Variants in ITPR2 observed in about 807,000 individuals in gnomAD.
ITPR2 encodes inositol 1,4,5-trisphosphate-gated calcium channel ITPR2.
ITPR2 carries 207 observed loss-of-function variants against 317.1 expected under a neutral mutation model. The observed-to-expected ratio is 0.65, with a 90% CI of 0.58 to 0.73. ITPR2 has a LOEUF of 0.73. Ranked by LOEUF, ITPR2 falls within the 30% of genes least tolerant of loss-of-function variation. ITPR2 has a pLI of 0.00. For missense variants in ITPR2, 2,613 were observed against 3,284.0 expected, an observed-to-expected ratio of 0.80 and a Z score of 4.99; for synonymous variants, 1,156 against 1,149.1, an observed-to-expected ratio of 1.01 and a Z score of -0.12.
At chr12:26,412,269 G>A (rs1940575140) in intron 51 of ITPR2, among the ~76,000 whole-genome samples, 1 of 152,172 alleles carries the variant, frequency 6.6e-6, no homozygotes, top group African/African-American at 2.4e-5. Flanking sequence ...AAATGGCAAA[G>A]GAAAGCTGGA....
intron 34 of ITPR2, among the ~76,000 whole-genome samples, chr12:26,572,454 T>G (rs558258553): frequency 3.3e-5 from 5 of 152,224 alleles, no homozygotes; most frequent in Admixed American, 3.3e-4. Context: ...AAGGCCAATT[T>G]GCTTCTTGTT....
intron 37 of ITPR2, among the ~76,000 whole-genome samples, chr12:26,541,831 G>A (rs937715691): frequency 1.3e-5 from 2 of 151,648 alleles, no homozygotes; most frequent in Non-Finnish European, 2.9e-5. Context: ...ATTTTTTCCT[G>A]CTGAGGATAA....
chr12:26,832,617 G>C, intron 1 of ITPR2, 73 bp downstream of exon 1: 1 of 1,168,648 alleles, frequency 8.6e-7, no homozygotes, highest in Non-Finnish European at 1.2e-6. Flanking sequence ...AGGACCGGGC[G>C]GCGGAGGAGG....
chr12:26,638,798 T>A (rs1946916499), intron 21 of ITPR2, among the ~76,000 whole-genome samples: 1 of 151,932 alleles, frequency 6.6e-6, no homozygotes, highest in South Asian at 2.1e-4. Context: ...ACTACACAAA[T>A]AGGAAGAAAA....
At chr12:26,504,048 AC>A (rs1943131682) in intron 37 of ITPR2, among the ~76,000 whole-genome samples, 2 of 152,190 alleles carry the variant, frequency 1.3e-5, no homozygotes, top group African/African-American at 4.8e-5. Flanking sequence ...AATAACACTT[AC>A]TTGTGGATAG....
chr12:26,549,503 G>A (rs985228036), intron 37 of ITPR2, among the ~76,000 whole-genome samples: 5 of 151,934 alleles, frequency 3.3e-5, no homozygotes, highest in Non-Finnish European at 5.9e-5. Context: ...AGTATTTACC[G>A]AAACAGACCA....
intron 43 of ITPR2, among the ~76,000 whole-genome samples, chr12:26,479,273 T>C (rs533522171): frequency 8.6e-5 from 13 of 151,848 alleles, no homozygotes; most frequent in Admixed American, 7.9e-4. Context: ...ATTTAAATAA[T>C]ATATATTTTT....
At chr12:26,755,860 T>C (rs1949512063) in intron 2 of ITPR2, among the ~76,000 whole-genome samples, 1 of 152,124 alleles carries the variant, frequency 6.6e-6, no homozygotes, top group Admixed American at 6.5e-5. Context: ...TTCTGACCTG[T>C]AGTAAGTAAA....
intron 37 of ITPR2, among the ~76,000 whole-genome samples, chr12:26,511,694 G>T (rs561985614): frequency 1.3e-5 from 2 of 151,876 alleles, no homozygotes; most frequent in African/African-American, 4.8e-5. Flanking sequence ...ATTCTATTCT[G>T]ACCTCTGATG....
At chr12:26,667,911 T>C (rs891135144) in intron 13 of ITPR2, among the ~76,000 whole-genome samples, 1 of 43,348 alleles carries the variant, frequency 2.3e-5, no homozygotes, top group East Asian at 7.9e-4. Context: ...ACAGTCTTGA[T>C]TGCAAATCAC....
At chr12:26,680,793 T>C (rs1592031412) in intron 13 of ITPR2, among the ~76,000 whole-genome samples, 2 of 152,294 alleles carry the variant, frequency 1.3e-5, no homozygotes, top group East Asian at 1.9e-4. Context: ...TGGTTTTCCA[T>C]TTGGGGTTAT....
At chr12:26,607,927 A>G (rs998698974) in intron 26 of ITPR2, among the ~76,000 whole-genome samples, 2 of 151,746 alleles carry the variant, frequency 1.3e-5, no homozygotes, top group African/African-American at 4.8e-5. Flanking sequence ...AAAAAAATAC[A>G]AAAAAAATTA....
At chr12:26,366,550 AT>A (rs904440880) in intron 55 of ITPR2, among the ~76,000 whole-genome samples, 1 of 152,140 alleles carries the variant, frequency 6.6e-6, no homozygotes, top group African/African-American at 2.4e-5. Context: ...TTGTTTTATG[AT>A]TTCTTTTAGG....
intron 39 of ITPR2, among the ~76,000 whole-genome samples, chr12:26,488,105 C>G (rs1942713563): frequency 6.6e-6 from 1 of 151,942 alleles, no homozygotes; most frequent in Admixed American, 6.6e-5. Flanking sequence ...ATAACACATT[C>G]CAGAGAAGAC....
intron 45 of ITPR2, among the ~76,000 whole-genome samples, chr12:26,472,457 C>A (rs1942314271): frequency 6.6e-6 from 1 of 151,872 alleles, no homozygotes; most frequent in Non-Finnish European, 1.5e-5. Flanking sequence ...CTCTACAAAT[C>A]ATTGCTTTTC....
At chr12:26,552,199 A>G (rs1391111272) in intron 36 of ITPR2, among the ~76,000 whole-genome samples, 1 of 151,750 alleles carries the variant, frequency 6.6e-6, no homozygotes, top group African/African-American at 2.4e-5. Flanking sequence ...GTTTTTTTTT[A>G]ATTTATTTAA....
intron 1 of ITPR2, among the ~76,000 whole-genome samples, chr12:26,826,191 A>G (rs1021939852): frequency 6.6e-6 from 1 of 152,056 alleles, no homozygotes; most frequent in Non-Finnish European, 1.5e-5. Context: ...GCTTGAGCCC[A>G]GGAGTTCAGG....
chr12:26,369,687 CA>C (rs1458785326), intron 55 of ITPR2, among the ~76,000 whole-genome samples: 1 of 152,096 alleles, frequency 6.6e-6, no homozygotes, highest in Non-Finnish European at 1.5e-5. Context: ...TGGAGTTTCC[CA>C]AATGACAGAA....
At chr12:26,563,038 G>A (rs960484874) in intron 34 of ITPR2, among the ~76,000 whole-genome samples, 1 of 151,682 alleles carries the variant, frequency 6.6e-6, no homozygotes, top group Non-Finnish European at 1.5e-5. Context: ...CAATGACAAC[G>A]GATTAAAAAA....
Sources: allele counts gnomAD v4.1 joint callset (sites outside exome capture counted in the v4.1 genomes callset), GRCh38; gene constraint gnomAD v4.1.1; transcripts MANE v1.5; gene names NCBI Gene and HGNC (gene_info 2026-07-23, HGNC 2026-07-21).